The following COX7B2 variants were observed in gnomAD, a reference collection of about 807,000 sequenced individuals.
COX7B2 encodes the protein cytochrome c oxidase subunit 7B2, mitochondrial.
For synonymous variants in COX7B2, 37 were observed against 32.1 expected (o/e 1.15, Z -0.51); for missense variants, 109 against 95.9 (o/e 1.14, Z -0.57).
chr4:46,797,105 A>T (rs1172154269), intron 2 of COX7B2, among the ~76,000 whole-genome samples: 1 of 74,164 alleles, frequency 1.3e-5, no homozygotes, highest in East Asian at 3.5e-4. Context: ...AAAAAAAAAA[A>T]AAAAAAAAAA....
Position 46,861,682 on chromosome 4 carries a change from A to G in COX7B2, c.-104-16668T>C, listed in dbSNP as rs11941426. Among the ~76,000 whole-genome samples, 11 of 152,312 alleles carry G rather than the reference A, an allele frequency of 7.2e-5. No homozygotes were observed. In the South Asian group the frequency reaches 1.9e-3, roughly 26 times the overall value. On this transcript the variant is annotated intron_variant, in intron 1 of 2. Transcript: ENST00000355591. ...GAAACAAAATAGGGAGAGGTTGCTTAAGTAAAGGCCTTTATGGTCCTTTAC... is the reference window on the plus strand; with the variant it reads ...GAAACAAAATAGGGAGAGGTTGCTTGAGTAAAGGCCTTTATGGTCCTTTAC...
intron 1 of COX7B2, among the ~76,000 whole-genome samples, chr4:46,899,254 T>C (rs928995354): frequency 6.6e-6 from 1 of 152,180 alleles, no homozygotes; most frequent in African/African-American, 2.4e-5. Context: ...GTAGCAATTG[T>C]GTCTTTCAAG....
chr4:46,875,277 T>C (rs1577684510), intron 1 of COX7B2, among the ~76,000 whole-genome samples: 1 of 152,200 alleles, frequency 6.6e-6, no homozygotes, highest in African/African-American at 2.4e-5. Flanking sequence ...AGGTAAAACA[T>C]TGGATTTTAA....
intron 2 of COX7B2, among the ~76,000 whole-genome samples, chr4:46,797,201 T>C (rs1028352978): frequency 6.6e-6 from 1 of 151,082 alleles, no homozygotes; most frequent in African/African-American, 2.4e-5. Flanking sequence ...CTCCCAGTCT[T>C]TCCCAAAGGG....
At chr4:46,754,511 A>G (rs1715624890) in intron 2 of COX7B2, among the ~76,000 whole-genome samples, 1 of 111,004 alleles carries the variant, frequency 9.0e-6, no homozygotes, top group Non-Finnish European at 1.7e-5. Context: ...GGAACTGAAC[A>G]ATGAGAACAC....
At chr4:46,859,289 T>C (rs1717201613) in intron 1 of COX7B2, among the ~76,000 whole-genome samples, 1 of 152,162 alleles carries the variant, frequency 6.6e-6, no homozygotes. Context: ...TCCAAACATT[T>C]CTCACAATGT....
chr4:46,864,399 T>G (rs569848886), intron 1 of COX7B2, among the ~76,000 whole-genome samples: 3 of 152,234 alleles, frequency 2.0e-5, no homozygotes, highest in African/African-American at 7.2e-5. Flanking sequence ...AGCCAACAAC[T>G]GAAGGGAGGC....
chr4:46,902,561 A>G (rs1720135012), intron 1 of COX7B2, among the ~76,000 whole-genome samples: 1 of 152,218 alleles, frequency 6.6e-6, no homozygotes, highest in Admixed American at 6.5e-5. Flanking sequence ...TACACCATCT[A>G]TGACTTTAGG....
At chr4:46,798,063 T>C (rs903053371) in intron 2 of COX7B2, among the ~76,000 whole-genome samples, 2 of 152,212 alleles carry the variant, frequency 1.3e-5, no homozygotes, top group Non-Finnish European at 2.9e-5. Context: ...GATGACATTA[T>C]GTTAATTGGA....
At chr4:46,759,952 A>ATCT (rs1716048600) in intron 2 of COX7B2, among the ~76,000 whole-genome samples, 1 of 151,680 alleles carries the variant, frequency 6.6e-6, no homozygotes, top group South Asian at 2.1e-4. Context: ...TATAAGTCTT[A>ATCT]TATAAGTTAT....
At chr4:46,814,776 T>A (rs1256437266) in intron 2 of COX7B2, among the ~76,000 whole-genome samples, 1 of 152,196 alleles carries the variant, frequency 6.6e-6, no homozygotes, top group African/African-American at 2.4e-5. Flanking sequence ...TTATGATCAT[T>A]TACAGTAGTC....
At chr4:46,841,527 G>T (rs915648111) in intron 2 of COX7B2, among the ~76,000 whole-genome samples, 2 of 151,822 alleles carry the variant, frequency 1.3e-5, no homozygotes, top group East Asian at 3.9e-4. Context: ...TGCTATCTTA[G>T]TAAGACATAA....
chr4:46,777,432 T>C (rs1188529855), intron 2 of COX7B2, among the ~76,000 whole-genome samples: 1 of 150,956 alleles, frequency 6.6e-6, no homozygotes, highest in African/African-American at 2.4e-5. Context: ...AGAGAGTGAG[T>C]GTTAAATAAT....
At chr4:46,751,235 C>G (rs545015401) in intron 2 of COX7B2, among the ~76,000 whole-genome samples, 1 of 152,006 alleles carries the variant, frequency 6.6e-6, no homozygotes. Context: ...TTTACACTCT[C>G]TCATCTACTG....
At chr4:46,757,857 G>A (rs916002717) in intron 2 of COX7B2, among the ~76,000 whole-genome samples, 29 of 152,100 alleles carry the variant, frequency 1.9e-4, no homozygotes, top group South Asian at 4.1e-4. Flanking sequence ...ATTATAACCA[G>A]AAGGCTTAAC....
At chr4:46,794,342 T>C (rs550732710) in intron 2 of COX7B2, among the ~76,000 whole-genome samples, 2 of 152,286 alleles carry the variant, frequency 1.3e-5, no homozygotes, top group East Asian at 1.9e-4. Flanking sequence ...GGTTGGTTGG[T>C]TGGCTAAAAC....
chr4:46,788,381 T>G (rs2109576360), intron 2 of COX7B2, among the ~76,000 whole-genome samples: 1 of 152,324 alleles, frequency 6.6e-6, no homozygotes, highest in African/African-American at 2.4e-5. Context: ...TTAGTGAGTT[T>G]TGATGACAAT....
chr4:46,793,580 G>A (rs1299409733), intron 2 of COX7B2, among the ~76,000 whole-genome samples: 1 of 152,196 alleles, frequency 6.6e-6, no homozygotes, highest in Non-Finnish European at 1.5e-5. Context: ...TGGAAGAAAA[G>A]GATGAGCTCA....
intron 2 of COX7B2, among the ~76,000 whole-genome samples, chr4:46,842,103 T>C (rs1715968769): frequency 6.6e-6 from 1 of 152,020 alleles, no homozygotes; most frequent in South Asian, 2.1e-4. Flanking sequence ...ACTAACCTAA[T>C]ACCCCTATTT....
Sources: gnomAD v4.1 joint callset for allele counts (sites outside exome capture counted in the v4.1 genomes callset) on GRCh38, gnomAD v4.1.1 for gene constraint, MANE v1.5 for transcripts, NCBI Gene and HGNC (gene_info 2026-07-23, HGNC 2026-07-21) for gene names.